The following MAX variants were observed in gnomAD, a reference collection of about 807,000 sequenced individuals.
MAX encodes the protein MYC associated transcriptional regulator X, also known as protein max.
Under a neutral mutation model 22.3 loss-of-function variants are expected in MAX, and 3 were observed. The observed-to-expected ratio is 0.13, with a 90% CI of 0.06 to 0.35. The LOEUF (loss-of-function observed/expected upper bound fraction) is 0.35, where lower values mean the gene tolerates loss of function less well. Among genes scored for constraint, MAX ranks in the 10% least tolerant of loss-of-function variants. The probability of loss-of-function intolerance (pLI) is 1.00; values close to 1 mark genes in which losing one functional copy is unlikely to be tolerated. For synonymous variants in MAX, 72 were observed against 77.7 expected, an observed-to-expected ratio of 0.93 and a Z score of 0.39; for missense variants, 119 against 209.4, an observed-to-expected ratio of 0.57 and a Z score of 2.66.
intron 3 of MAX, among the ~76,000 whole-genome samples, chr14:65,051,663 C>G (rs2062614267): frequency 1.3e-5 from 2 of 151,916 alleles, no homozygotes; most frequent in Admixed American, 1.3e-4. Flanking sequence ...TTGCTTCAAT[C>G]TCTTTATAGA....
chr14:65,051,584 C>T (rs1425912883), intron 3 of MAX, among the ~76,000 whole-genome samples: 1 of 151,514 alleles, frequency 6.6e-6, no homozygotes, highest in African/African-American at 2.4e-5. Flanking sequence ...GCCCTCCAAC[C>T]TGGGCAACAG....
chr14:65,048,958 C>G (rs1419904459), intron 3 of MAX, among the ~76,000 whole-genome samples: 2 of 152,168 alleles, frequency 1.3e-5, no homozygotes, highest in Non-Finnish European at 2.9e-5. Context: ...AACCCCATCT[C>G]TACTAAAGAT....
In MAX at chr14:65,084,635, T is replaced by C. The variant is rs916695921; in HGVS notation, c.172-6599A>G. 2.0e-5 allele frequency among the ~76,000 whole-genome samples: 3 copies of C among 152,180 alleles called. No individual in the cohort carries two copies. Among genetic ancestry groups the C allele is most frequent in the African/African-American group, 7.2e-5 (3 of 41,448 alleles). ...TACATATACAGAGATGTCCATATTATAATTATAAATTTTAAATTTTAAAAA... is the reference window on the plus strand; with the variant it reads ...TACATATACAGAGATGTCCATATTACAATTATAAATTTTAAATTTTAAAAA... On this transcript the variant is annotated intron_variant, in intron 3 of 4. Transcript: ENST00000358664. This position sits in a 1 kb window ranked among gnomAD's most constrained non-coding sequence, Gnocchi z 4.3.
intron 3 of MAX, among the ~76,000 whole-genome samples, chr14:65,035,682 A>G (rs939184462): frequency 1.3e-5 from 2 of 151,706 alleles, no homozygotes; most frequent in African/African-American, 4.8e-5. Context: ...AGCGCGTGCC[A>G]CCATAACCAG....
At chr14:65,042,438 A>G (rs1401543654) in intron 3 of MAX, among the ~76,000 whole-genome samples, 1 of 152,178 alleles carries the variant, frequency 6.6e-6, no homozygotes, top group Non-Finnish European at 1.5e-5. Flanking sequence ...AGCCTGGCAT[A>G]CACGGTTCAC....
At chr14:65,037,143 A>T in intron 3 of MAX, among the ~76,000 whole-genome samples, 2 of 142,290 alleles carry the variant, frequency 1.4e-5, no homozygotes. Context: ...TGCTGTTGTT[A>T]CCCGGGCTGG....
chr14:65,064,176 T>G (rs2062908172), intron 3 of MAX, among the ~76,000 whole-genome samples: 1 of 152,222 alleles, frequency 6.6e-6, no homozygotes. Context: ...CTTCCATACC[T>G]TTCATGACTG....
intron 3 of MAX, among the ~76,000 whole-genome samples, chr14:65,081,147 C>T (rs1338224100): frequency 1.3e-5 from 2 of 152,336 alleles, no homozygotes; most frequent in East Asian, 3.9e-4. Flanking sequence ...GCCCTTCCTC[C>T]ATCCTCTGCT....
chr14:65,031,235 GAAATA>G lies in MAX; in HGVS notation c.172-24956_172-24952del, dbSNP rs2062075194. 6.6e-6 allele frequency among the ~76,000 whole-genome samples: 1 copy of G among 152,126 alleles called. No individual in the cohort carries two copies. The highest frequency in any genetic ancestry group is 1.5e-5 in the Non-Finnish European group (1 of 68,034). ...GTATACCATGACAGAGGGAGAAGCTGAAATAAAATGTGCCCCGAGAAGAATTAGGG... is the reference window on the plus strand; with the variant it reads ...GTATACCATGACAGAGGGAGAAGCTGAAATGTGCCCCGAGAAGAATTAGGG... On this transcript the variant is annotated intron_variant, in intron 3 of 3. Coordinates refer to the MAX transcript ENST00000341653. The surrounding 1 kb of genome is among the most constrained non-coding windows in gnomAD (Gnocchi z 4.6).
Position 65,054,455 on chromosome 14 carries a change from G to C in MAX, c.171+39253C>G. 9.8e-7 allele frequency: 1 copy of C among 1,016,838 alleles called. No homozygotes were observed. The allele number at this position is 1,016,838 out of a possible 1,614,324, so 63.0% of individuals were successfully genotyped here. On this transcript the variant is annotated intron_variant, in intron 3 of 3. Coordinates refer to the MAX transcript ENST00000341653. The surrounding 1 kb of genome is among the most constrained non-coding windows in gnomAD (Gnocchi z 4.4). ...TGCTGGGAAAACCATGCCTCCTCTA[G>C]CCACATGGAGGATGGGGGGGGACGT...
At chr14:65,070,983 T>C (rs1004879784), downstream of MAX, among the ~76,000 whole-genome samples, 2 of 152,206 alleles carry the variant, frequency 1.3e-5, no homozygotes, top group African/African-American at 2.4e-5. This position sits in a 1 kb window ranked among gnomAD's most constrained non-coding sequence, Gnocchi z 4.4. Context: ...TCCTTTTTTT[T>C]CTCCAAAAGG....
intron 3 of MAX, among the ~76,000 whole-genome samples, chr14:65,051,087 G>A (rs926443743): frequency 6.6e-6 from 1 of 152,236 alleles, no homozygotes; most frequent in Non-Finnish European, 1.5e-5. Context: ...CAGCCAGCCT[G>A]AGATGGGAGA....
chr14:65,086,059 TTA>T (rs1491384761), intron 3 of MAX, among the ~76,000 whole-genome samples: 1 of 152,178 alleles, frequency 6.6e-6, no homozygotes, highest in Non-Finnish European at 1.5e-5. Flanking sequence ...GCTGATGGTT[TTA>T]AAAACAGCAG....
At chr14:65,067,801 T>C (rs1352466565) in intron 3 of MAX, among the ~76,000 whole-genome samples, 1 of 151,076 alleles carries the variant, frequency 6.6e-6, no homozygotes, top group Non-Finnish European at 1.5e-5. Context: ...ACATTTTTTT[T>C]TTTTTTTTTT....
rs868284478 is a variant in MAX, at chr14:65,063,517, T to C, written c.171+30191A>G. 2.0e-5 allele frequency among the ~76,000 whole-genome samples: 3 copies of C among 152,164 alleles called. No individual in the cohort carries two copies. In the South Asian group the frequency reaches 6.2e-4, roughly 32 times the overall value. ...ACACTGGCATATCCATGAGACATCC[T>C]TTTCCAGAGGGTTTCCTGACAGCCC... On this transcript the variant is annotated intron_variant, in intron 3 of 3. Coordinates refer to the MAX transcript ENST00000341653.
intron 3 of MAX, among the ~76,000 whole-genome samples, chr14:65,060,284 A>G (rs1299916999): frequency 2.6e-5 from 4 of 152,012 alleles, no homozygotes; most frequent in Non-Finnish European, 5.9e-5. Flanking sequence ...CACAGGTACA[A>G]ATACACTTTT....
chr14:65,077,839 G>C lies in MAX; in HGVS notation c.295+74C>G. 1 of 1,614,166 alleles carries C rather than the reference G, an allele frequency of 6.2e-7. No homozygotes were observed. Among genetic ancestry groups the C allele is most frequent in the Non-Finnish European group, 8.5e-7 (1 of 1,180,042 alleles). On this transcript the variant is annotated intron_variant, in intron 4 of 4. Transcript: ENST00000358664. The surrounding 1 kb of genome is among the most constrained non-coding windows in gnomAD (Gnocchi z 6.3). ...ATACTCCATGACTGGCTCTGACTCT[G>C]CAGGCCCAGGTGCCAAAGCCTGACC...
Position 65,088,138 on chromosome 14 carries a change from T to C in MAX, c.171+5570A>G, listed in dbSNP as rs928111067. Among the ~76,000 whole-genome samples the C allele has an allele frequency of 6.6e-6, 1 of 152,134 alleles. No individual in the cohort carries two copies. Among genetic ancestry groups the C allele is most frequent in the African/African-American group, 2.4e-5 (1 of 41,434 alleles). ...CCACTAAACCTCCTTCTTTTGTAAA[T>C]TGCCCAGTCTCAGGTATGTCTTTAT... On this transcript the variant is annotated intron_variant, in intron 3 of 4. Transcript: ENST00000358664. This position sits in a 1 kb window ranked among gnomAD's most constrained non-coding sequence, Gnocchi z 5.2.
chr14:65,059,025 T>C (rs1289846597), intron 3 of MAX, among the ~76,000 whole-genome samples: 1 of 152,166 alleles, frequency 6.6e-6, no homozygotes, highest in African/African-American at 2.4e-5. Context: ...CTTTTTTCTT[T>C]TTCTTTTCTT....
Sources: allele counts gnomAD v4.1 joint callset (sites outside exome capture counted in the v4.1 genomes callset), GRCh38; gene constraint gnomAD v4.1.1; non-coding constraint Gnocchi (gnomAD v3.1); transcripts MANE v1.5; gene names NCBI Gene and HGNC (gene_info 2026-07-23, HGNC 2026-07-21).